The following SRPX variants were observed in gnomAD, a reference collection of about 807,000 sequenced individuals.
SRPX encodes the protein sushi repeat-containing protein SRPX.
In SRPX, 24 loss-of-function variants were observed where a neutral mutation model predicts 38.1. That is an observed-to-expected ratio of 0.63 (90% confidence interval 0.46 to 0.89). The LOEUF (loss-of-function observed/expected upper bound fraction) is 0.89, where lower values mean the gene tolerates loss of function less well. Among genes scored for constraint, SRPX ranks in the 40% least tolerant of loss-of-function variants. SRPX has a pLI of 0.00. For missense variants in SRPX, 416 were observed against 377.8 expected (o/e 1.10, Z -0.84); for synonymous variants, 184 against 153.8 (o/e 1.20, Z -1.45).
chrX:38,217,796 C>T (rs1939443938), intron 1 of SRPX, among the ~76,000 whole-genome samples: 1 of 111,995 alleles, frequency 8.9e-6, no homozygotes, highest in South Asian at 3.8e-4. Flanking sequence ...GATGTGAAGA[C>T]GCTGCTTTAA....
intron 4 of SRPX, among the ~76,000 whole-genome samples, chrX:38,167,258 A>G (rs898135468): frequency 1.8e-5 from 2 of 112,064 alleles, no homozygotes; most frequent in African/African-American, 3.2e-5. Context: ...TTAATAAACC[A>G]AACCCTTTTG....
intron 8 of SRPX, among the ~76,000 whole-genome samples, chrX:38,155,026 A>G (rs1938105686): frequency 9.0e-6 from 1 of 111,046 alleles, no homozygotes; most frequent in Non-Finnish European, 1.9e-5. Context: ...GGAAAAGAGG[A>G]TAAAAGGTTC....
intron 1 of SRPX, among the ~76,000 whole-genome samples, chrX:38,219,748 G>A (rs1265880929): frequency 9.0e-6 from 1 of 111,438 alleles, no homozygotes. Flanking sequence ...GGTGTTGAAC[G>A]CAGAGCCAAA....
chrX:38,202,762 C>T (rs778784790), intron 1 of SRPX, among the ~76,000 whole-genome samples: 140 of 112,208 alleles, frequency 1.2e-3, no homozygotes, highest in African/African-American at 4.2e-3. Context: ...TCAAAAAGCA[C>T]GAACTATCAA....
rs189898784 is a variant in SRPX at position 38,215,471 on chromosome X, G to C, written c.97+5225C>G. Reference sequence around the variant, plus strand: ...TCTTTATCTGCACATCCTGCCCCCAGAACTCCCTTGAGTTTCTAAGTCTCT... The same window carrying C: ...TCTTTATCTGCACATCCTGCCCCCACAACTCCCTTGAGTTTCTAAGTCTCT... On this transcript the variant is annotated intron_variant, in intron 1 of 9. Coordinates refer to ENST00000378533, the MANE Select transcript of SRPX (RefSeq NM_006307.5). Among the ~76,000 whole-genome samples, 166 of 111,929 alleles carry C rather than the reference G, an allele frequency of 1.5e-3. 1 individual carries two copies. The highest frequency in any genetic ancestry group is 5.0e-3 in the African/African-American group (155 of 30,778).
rs752895004 is a variant in SRPX, at chrX:38,160,972, C to G, written c.736G>C (p.Glu246Gln). The G allele has an allele frequency of 1.6e-5, 19 of 1,208,012 alleles. No individual in the cohort carries two copies. In the African/African-American group the frequency reaches 2.5e-4, roughly 16 times the overall value. ...CGAAATTTGCAAGTGCCCTTATTCT[C>G]AGCTCTGTCATAGACTGTGTACTGG... The part of the protein sequence containing the change: ...KIQYTVYDRA[E>Q]NKGTCKFRVK... The change falls in exon 6 of 10, where the codon GAG (glutamate) becomes CAG (glutamine). Residue 246 changes from glutamate to glutamine, a missense_variant. Physicochemically the swap from Glu to Gln is conservative, Grantham distance 29 (BLOSUM62 2). Coordinates refer to ENST00000378533, the MANE Select transcript of SRPX (RefSeq NM_006307.5).
At chrX:38,211,430 G>A (rs996354854) in intron 1 of SRPX, among the ~76,000 whole-genome samples, 13 of 111,849 alleles carry the variant, frequency 1.2e-4, no homozygotes, top group Non-Finnish European at 2.3e-4. Context: ...GGCCAGACAC[G>A]GTGGCTCACG....
At chrX:38,160,809 A>C in intron 6 of SRPX, 124 bp downstream of exon 6, 1 of 863,391 alleles carries the variant, frequency 1.2e-6, no homozygotes, top group Non-Finnish European at 1.6e-6. Flanking sequence ...CTTATTAGAG[A>C]CTAATCTAAA....
intron 1 of SRPX, among the ~76,000 whole-genome samples, chrX:38,188,118 G>C (rs766930907): frequency 9.0e-6 from 1 of 111,646 alleles, no homozygotes; most frequent in South Asian, 3.8e-4. Context: ...CAGACTAATA[G>C]ATAAAAGCGC....
rs1569204477 is a variant in SRPX, at chrX:38,161,033, G to T, written c.675C>A (p.Pro225=). The change falls in exon 6 of 10, where the codon CCC becomes CCA. Residue 225 remains proline, a synonymous_variant. Transcript: ENST00000378533. The part of the protein sequence containing the change: ...ILTDVILKGL[P]PGSNFPEGDH... Reference sequence around the variant, plus strand: ...CTCCTTCTGGAAAGTTGGAGCCTGGGGGGAGGCCTTTTAGAATGACACTTA... The same window carrying T: ...CTCCTTCTGGAAAGTTGGAGCCTGGTGGGAGGCCTTTTAGAATGACACTTA... 1 of 1,210,324 alleles carries T rather than the reference G, an allele frequency of 8.3e-7. No individual in the cohort carries two copies. Among genetic ancestry groups the T allele is most frequent in the Non-Finnish European group, 1.1e-6 (1 of 895,017 alleles).
At chrX:38,186,530 T>C (rs1014737704) in intron 1 of SRPX, among the ~76,000 whole-genome samples, 1 of 111,896 alleles carries the variant, frequency 8.9e-6, no homozygotes, top group Non-Finnish European at 1.9e-5. Context: ...GAAAGGGCAT[T>C]TGCCTTAAAG....
At chrX:38,163,522 C>T (rs1038558637) in intron 5 of SRPX, among the ~76,000 whole-genome samples, 2 of 111,745 alleles carry the variant, frequency 1.8e-5, no homozygotes, top group African/African-American at 6.5e-5. Context: ...AATATGAAGG[C>T]CAACCAAACA....
intron 1 of SRPX, among the ~76,000 whole-genome samples, chrX:38,179,634 G>T (rs935457371): frequency 5.4e-5 from 6 of 112,041 alleles, no homozygotes; most frequent in African/African-American, 1.9e-4. Context: ...GATGAGAGAT[G>T]TAGAGTGTGG....
intron 1 of SRPX, among the ~76,000 whole-genome samples, chrX:38,204,626 G>A (rs965462536): frequency 1.4e-4 from 16 of 111,735 alleles, no homozygotes; most frequent in Non-Finnish European, 2.6e-4. Context: ...ATTATTTGGC[G>A]TTCATCCAAG....
intron 8 of SRPX, among the ~76,000 whole-genome samples, chrX:38,155,180 G>T (rs1481878627): frequency 9.0e-6 from 1 of 110,814 alleles, no homozygotes; most frequent in African/African-American, 3.3e-5. Context: ...AATGGGAAAA[G>T]AAATTTTGAA....
At chrX:38,168,166 G>C (rs9942991) in intron 4 of SRPX, among the ~76,000 whole-genome samples, 1,798 of 111,700 alleles carry the variant, frequency 0.016, 41 homozygotes, top group African/African-American at 0.056. Context: ...ACAAAGTCTT[G>C]CCCAACAGAT....
intron 1 of SRPX, among the ~76,000 whole-genome samples, chrX:38,198,606 T>A (rs1939042190): frequency 8.9e-6 from 1 of 112,018 alleles, no homozygotes; most frequent in Non-Finnish European, 1.9e-5. Flanking sequence ...GCTATGATTC[T>A]GGGCTGTAGC....
At chrX:38,216,263 T>C (rs1460099361) in intron 1 of SRPX, among the ~76,000 whole-genome samples, 1 of 112,263 alleles carries the variant, frequency 8.9e-6, no homozygotes, top group Non-Finnish European at 1.9e-5. Flanking sequence ...TATTATAACA[T>C]TGACCACCTG....
At chrX:38,150,592 G>A (rs1431001366) in intron 9 of SRPX, among the ~76,000 whole-genome samples, 1 of 112,179 alleles carries the variant, frequency 8.9e-6, no homozygotes, top group Admixed American at 9.4e-5. Context: ...ATAGTGCCAA[G>A]GCTGAGAAAC....
Sources: gnomAD v4.1 joint callset for allele counts (sites outside exome capture counted in the v4.1 genomes callset) on GRCh38, gnomAD v4.1.1 for gene constraint, MANE v1.5 for transcripts, NCBI Gene and HGNC (gene_info 2026-07-23, HGNC 2026-07-21) for gene names.